Variants in IPO7 observed in about 807,000 individuals in gnomAD.
IPO7 encodes importin 7, also known as importin-7.
A neutral mutation model predicts 136.4 loss-of-function variants in IPO7; 13 were observed. The observed-to-expected ratio is 0.10, with a 90% CI of 0.06 to 0.15. The LOEUF (loss-of-function observed/expected upper bound fraction) is 0.15, where lower values mean the gene tolerates loss of function less well. IPO7 is among the 10% of genes least tolerant of loss of function. The pLI is 1.00. For synonymous variants in IPO7, 403 were observed against 404.4 expected (o/e 1.00, Z 0.04); for missense variants, 857 against 1,240.6 (o/e 0.69, Z 4.65).
intron 22 of IPO7, 103 bp from the exon 23 acceptor site, chr11:9,440,352 A>C (rs1238315758): frequency 2.2e-6 from 2 of 889,224 alleles, no homozygotes; most frequent in Non-Finnish European, 3.6e-6. Flanking sequence ...CTCTCTTGTC[A>C]CTTGTGACTT....
chr11:9,404,191 T>C (rs901861957), intron 2 of IPO7, among the ~76,000 whole-genome samples: 1 of 152,158 alleles, frequency 6.6e-6, no homozygotes, highest in Non-Finnish European at 1.5e-5. Context: ...TGGGGCTGGG[T>C]GCAGTGGCTC....
At chr11:9,436,855 T>C (rs1354717395) in intron 20 of IPO7, among the ~76,000 whole-genome samples, 1 of 16,702 alleles carries the variant, frequency 6.0e-5, no homozygotes, top group Non-Finnish European at 1.4e-4. Flanking sequence ...TATATATATA[T>C]ATATATATAT....
chr11:9,425,421 A>G, intron 12 of IPO7, 159 bp downstream of exon 12: 1 of 603,546 alleles, frequency 1.7e-6, no homozygotes. Flanking sequence ...AGCCTGGGCA[A>G]CATAGTGATA....
intron 8 of IPO7, among the ~76,000 whole-genome samples, chr11:9,422,797 A>C (rs1220655996): frequency 1.3e-5 from 2 of 152,298 alleles, no homozygotes; most frequent in East Asian, 1.9e-4. Flanking sequence ...ACAACAACAA[A>C]AAAAACCCCA....
intron 8 of IPO7, among the ~76,000 whole-genome samples, chr11:9,421,715 C>T (rs528092800): frequency 1.4e-3 from 205 of 151,654 alleles, no homozygotes; most frequent in East Asian, 3.1e-3. Flanking sequence ...GAGGCCAAGG[C>T]GGGCGGATCA....
At chr11:9,412,889 ATTTTTT>A (rs1163764184) in intron 4 of IPO7, among the ~76,000 whole-genome samples, 1 of 126,354 alleles carries the variant, frequency 7.9e-6, no homozygotes, top group Admixed American at 8.2e-5. Context: ...TGATTGATTG[ATTTTTT>A]TTTTTTTTTT....
At chr11:9,410,523 T>C (rs557901251) in intron 4 of IPO7, among the ~76,000 whole-genome samples, 1 of 152,340 alleles carries the variant, frequency 6.6e-6, no homozygotes, top group South Asian at 2.1e-4. Flanking sequence ...TAAGAAGAAT[T>C]CATTGGAATT....
At chr11:9,430,347 T>A (rs957673500) in intron 15 of IPO7, 2 of 155,084 alleles carry the variant, frequency 1.3e-5, no homozygotes, top group Non-Finnish European at 2.9e-5. Context: ...AGGTATAAAA[T>A]GGTTTATTGC....
chr11:9,401,771 A>C (rs1169423240), intron 1 of IPO7, among the ~76,000 whole-genome samples: 1 of 152,202 alleles, frequency 6.6e-6, no homozygotes, highest in Non-Finnish European at 1.5e-5. Context: ...AAAGCTATTG[A>C]TTTTTAACTT....
chr11:9,403,206 G>A, intron 1 of IPO7, 84 bp from the exon 2 acceptor site: 3 of 888,148 alleles, frequency 3.4e-6, no homozygotes, highest in Middle Eastern at 5.2e-4. Flanking sequence ...GCCAAGCAAT[G>A]GAAATGTATT....
chr11:9,387,237 A>G (rs1854563696), intron 1 of IPO7, among the ~76,000 whole-genome samples: 1 of 152,238 alleles, frequency 6.6e-6, no homozygotes, highest in South Asian at 2.1e-4. Context: ...ATTTGAATGA[A>G]TCTCTTCACA....
chr11:9,392,654 A>G (rs1220365932), intron 1 of IPO7, among the ~76,000 whole-genome samples: 1 of 152,080 alleles, frequency 6.6e-6, no homozygotes, highest in East Asian at 1.9e-4. Context: ...AAATAATACA[A>G]AGTTACAGTT....
At chr11:9,401,563 A>T (rs942940508) in intron 1 of IPO7, among the ~76,000 whole-genome samples, 626 of 26,896 alleles carry the variant, frequency 0.023, 5 homozygotes, top group African/African-American at 0.057. Flanking sequence ...CAAAAAATTA[A>T]AAAAAAAAAA....
chr11:9,429,339 A>G (rs1269982379), intron 14 of IPO7, 143 bp downstream of exon 14: 4 of 681,520 alleles, frequency 5.9e-6, no homozygotes, highest in Non-Finnish European at 9.7e-6. Flanking sequence ...ACATCTCTAC[A>G]AAAAAAATTT....
intron 24 of IPO7, among the ~76,000 whole-genome samples, chr11:9,444,358 TA>T (rs2133770217): frequency 6.6e-6 from 1 of 151,738 alleles, no homozygotes; most frequent in Admixed American, 6.6e-5. Flanking sequence ...CTTTTTTTTA[TA>T]AATTAAAAAA....
chr11:9,410,133 G>C, intron 4 of IPO7, 47 bp downstream of exon 4: 1 of 1,346,764 alleles, frequency 7.4e-7, no homozygotes, highest in South Asian at 2.0e-5. Flanking sequence ...AGTAGGAAAA[G>C]TTGGGAAAAT....
intron 15 of IPO7, among the ~76,000 whole-genome samples, chr11:9,430,104 G>A (rs1855271885): frequency 6.6e-6 from 1 of 152,084 alleles, no homozygotes; most frequent in Non-Finnish European, 1.5e-5. Flanking sequence ...TAGGGTTCAC[G>A]CTCCTGTGAG....
chr11:9,435,927 G>C (rs1855362596), intron 19 of IPO7, among the ~76,000 whole-genome samples: 1 of 152,156 alleles, frequency 6.6e-6, no homozygotes, highest in African/African-American at 2.4e-5. Context: ...TTCTTTACGT[G>C]AGAAAGGTTA....
chr11:9,428,124 A>G (rs192087137), intron 12 of IPO7, among the ~76,000 whole-genome samples: 1 of 152,300 alleles, frequency 6.6e-6, no homozygotes, highest in Non-Finnish European at 1.5e-5. Flanking sequence ...CGTCTCAAAA[A>G]AAAAGAAAAA....
Sources: gnomAD v4.1 joint callset for allele counts (sites outside exome capture counted in the v4.1 genomes callset) on GRCh38, gnomAD v4.1.1 for gene constraint, MANE v1.5 for transcripts, NCBI Gene and HGNC (gene_info 2026-07-23, HGNC 2026-07-21) for gene names.